The following CELSR1 variants were observed in gnomAD, a reference collection of about 807,000 sequenced individuals.
The protein encoded by CELSR1 is cadherin EGF LAG seven-pass G-type receptor 1.
A neutral mutation model predicts 249.1 loss-of-function variants in CELSR1; 110 were observed. The observed-to-expected ratio is 0.44, with a 90% CI of 0.38 to 0.52. CELSR1 has a LOEUF of 0.52. Ranked by LOEUF, CELSR1 falls within the 20% of genes least tolerant of loss-of-function variation. CELSR1 has a pLI of 0.00. For synonymous variants in CELSR1, 2,113 were observed against 1,900.0 expected (o/e 1.11, Z -2.92); for missense variants, 4,109 against 4,296.4 (o/e 0.96, Z 1.22).
At chr22:46,416,855 T>C (rs895563738) in intron 5 of CELSR1, among the ~76,000 whole-genome samples, 1 of 152,060 alleles carries the variant, frequency 6.6e-6, no homozygotes, top group Admixed American at 6.6e-5. Context: ...ACAAAAGCAT[T>C]TGGTCCTTAC....
rs1362230258 is a variant in CELSR1 at position 46,433,372 on chromosome 22, A to G, written c.4611+21T>C. On this transcript the variant is annotated intron_variant, in intron 5 of 34. Transcript: ENST00000674500. The surrounding 1 kb of genome is among the most constrained non-coding windows in gnomAD (Gnocchi z 5.7). ...CTCGAGCCGCCCTGGGGCCAGGGGG[A>G]AGTGGTGGGGCCCATCTTACCTTGT... 1 of 1,598,484 alleles carries G rather than the reference A, an allele frequency of 6.3e-7. No individual in the cohort carries two copies. Among genetic ancestry groups the G allele is most frequent in the South Asian group, 1.1e-5 (1 of 90,332 alleles).
intron 1 of CELSR1, among the ~76,000 whole-genome samples, chr22:46,494,092 G>A (rs1399195014): frequency 6.6e-6 from 1 of 152,178 alleles, no homozygotes; most frequent in Non-Finnish European, 1.5e-5. Flanking sequence ...TCAGCTCTAT[G>A]ATTTCTTTAT....
Position 46,367,802 on chromosome 22 carries a change from A to T in CELSR1, c.8006T>A (p.Leu2669Gln), listed in dbSNP as rs746756979. The T allele has an allele frequency of 1.9e-6, 3 of 1,611,916 alleles. No homozygotes were observed. The highest frequency in any genetic ancestry group is 1.7e-4 in the Middle Eastern group (1 of 5,912). Residue 2669 changes from leucine to glutamine, a missense_variant, in exon 28 of 35, where the codon CTG becomes CAG. Transcript: ENST00000674500. ...GCGGTTCACAGCCAGCAGCCCCAGC[A>T]GCCAGGTGGCGCTGATGAGCAGCAG... ...LLLLLISATW[L>Q]LGLLAVNRDA...
At position 46,510,812 on chromosome 22, in the gene CELSR1, T is replaced by A. The variant is rs938206453; in HGVS notation, c.3544+22815A>T. On this transcript the variant is annotated intron_variant, in intron 1 of 34. Coordinates refer to ENST00000674500, the MANE Select transcript of CELSR1 (RefSeq NM_001378328.1). ...GTGCTCCTGATAAAGCTTTAAAGAT[T>A]CAAAAACACAAAGTGCTGGCCGGGT... is the stretch of plus-strand genomic sequence containing the variant. 2.0e-5 allele frequency among the ~76,000 whole-genome samples: 3 copies of A among 152,200 alleles called. No individual in the cohort carries two copies. The East Asian group carries it at 5.8e-4, about 29-fold the overall frequency.
intron 5 of CELSR1, among the ~76,000 whole-genome samples, chr22:46,426,020 C>G (rs908652977): frequency 6.6e-6 from 1 of 150,778 alleles, no homozygotes; most frequent in African/African-American, 2.5e-5. Context: ...CCCTTCCTCC[C>G]TTCTTTTTTG....
In CELSR1 at chr22:46,399,531, G is replaced by A. The variant is rs547155686; in HGVS notation, c.5412+186C>T. Among the ~76,000 whole-genome samples, 13 of 152,356 alleles carry A rather than the reference G, an allele frequency of 8.5e-5. No individual in the cohort carries two copies. The highest frequency in any genetic ancestry group is 3.3e-4 in the Admixed American group (5 of 15,304). On this transcript the variant is annotated intron_variant, in intron 10 of 34. Transcript: ENST00000674500. This position sits in a 1 kb window ranked among gnomAD's most constrained non-coding sequence, Gnocchi z 5.0. The stretch of plus-strand genomic sequence containing the variant: ...GCCGGGGGCGGGGCATCCGGATGAA[G>A]GAGGTGAGGAAGATGCCAGTGACCT...
At position 46,527,467 on chromosome 22, in the gene CELSR1, G is replaced by C. The variant is rs946073393; in HGVS notation, c.3544+6160C>G. Among the ~76,000 whole-genome samples, 3 of 152,120 alleles carry C rather than the reference G, an allele frequency of 2.0e-5. No individual in the cohort carries two copies. Among genetic ancestry groups the C allele is most frequent in the African/African-American group, 7.2e-5 (3 of 41,426 alleles). On this transcript the variant is annotated intron_variant, in intron 1 of 34. Transcript: ENST00000674500. This position sits in a 1 kb window ranked among gnomAD's most constrained non-coding sequence, Gnocchi z 5.5. ...GCCCATCACACACTGCACACGTCCA[G>C]GGGGGTAGAGAAGAGTCCCAGCCCG...
rs2078893262 is a variant in CELSR1 at position 46,374,261 on chromosome 22, T to C, written c.7585-1204A>G. Among the ~76,000 whole-genome samples, 1 of 152,158 alleles carries C rather than the reference T, an allele frequency of 6.6e-6. No individual in the cohort carries two copies. Among genetic ancestry groups the C allele is most frequent in the Non-Finnish European group, 1.5e-5 (1 of 68,040 alleles). ...GAAGGGGGTGAGAAGGTTGGTTGGCTGGATGGCTGCTTCAAGTAATGCGAA... is the reference window on the plus strand; with the variant it reads ...GAAGGGGGTGAGAAGGTTGGTTGGCCGGATGGCTGCTTCAAGTAATGCGAA... On this transcript the variant is annotated intron_variant, in intron 24 of 34. Transcript: ENST00000674500. This position sits in a 1 kb window ranked among gnomAD's most constrained non-coding sequence, Gnocchi z 4.3.
In CELSR1 at chr22:46,518,541, G is replaced by C. The variant is rs891712957; in HGVS notation, c.3544+15086C>G. The stretch of plus-strand genomic sequence containing the variant: ...AAACATGAAGGCAGGCGTGGCAGTG[G>C]GTTCACTACCCTGCCCCAATGCCCA... On this transcript the variant is annotated intron_variant, in intron 1 of 34. Coordinates refer to ENST00000674500, the MANE Select transcript of CELSR1 (RefSeq NM_001378328.1). The surrounding 1 kb of genome is among the most constrained non-coding windows in gnomAD (Gnocchi z 5.2). 3.3e-5 allele frequency among the ~76,000 whole-genome samples: 5 copies of C among 152,206 alleles called. No homozygotes were observed. Among genetic ancestry groups the C allele is most frequent in the Admixed American group, 3.3e-4 (5 of 15,280 alleles).
rs1375121025 is a variant in CELSR1 at position 46,401,839 on chromosome 22, G to C, written c.5227-1937C>G. Among the ~76,000 whole-genome samples the C allele has an allele frequency of 6.6e-6, 1 of 152,106 alleles. No homozygotes were observed. Among genetic ancestry groups the C allele is most frequent in the Non-Finnish European group, 1.5e-5 (1 of 68,016 alleles). On this transcript the variant is annotated intron_variant, in intron 9 of 34. Coordinates refer to ENST00000674500, the MANE Select transcript of CELSR1 (RefSeq NM_001378328.1). The surrounding 1 kb of genome is among the most constrained non-coding windows in gnomAD (Gnocchi z 4.7). ...AGTCTGTGACTGCATTAAACTCTGTGACTTTGGGAGACCAAGGCGGGTGGA... is the reference window on the plus strand; with the variant it reads ...AGTCTGTGACTGCATTAAACTCTGTCACTTTGGGAGACCAAGGCGGGTGGA...
rs201398785 is a variant in CELSR1, at chr22:46,391,189, C to T, written c.6247G>A (p.Val2083Ile). The T allele has an allele frequency of 4.5e-5, 73 of 1,612,150 alleles. 1 individual carries two copies. The East Asian group carries it at 1.0e-3, about 23-fold the overall frequency. Residue 2083 changes from valine (V) to isoleucine (I), a missense_variant, in exon 16 of 35, where the codon GTT becomes ATT. By Grantham distance (29) the Val-to-Ile change is conservative. Coordinates refer to ENST00000674500, the MANE Select transcript of CELSR1 (RefSeq NM_001378328.1). The surrounding 1 kb of genome is among the most constrained non-coding windows in gnomAD (Gnocchi z 4.3). ...CACACAGGCCACGGCGACTCACCAA[C>T]GGATCCCTTAGGGCATGGCACCGCA... ...PAAVPCPKGS[V>I]GNAVRHCSGE...
Position 46,439,088 on chromosome 22 carries a change from C to T in CELSR1, c.4406+101G>A, listed in dbSNP as rs6007910. 105 of 1,150,264 alleles carry T rather than the reference C, an allele frequency of 9.1e-5. No individual in the cohort carries two copies. The East Asian group carries it at 1.3e-3, about 15-fold the overall frequency. 71.3% of individuals were successfully genotyped at this position (1,150,264 alleles called of 1,614,324 possible). On this transcript the variant is annotated intron_variant, in intron 3 of 34. Transcript: ENST00000674500. Reference sequence around the variant, plus strand: ...CTACTCAACTATCAAAGGCCACACACGGAGGACATCAACGTCACGATCTAG... The same window carrying T: ...CTACTCAACTATCAAAGGCCACACATGGAGGACATCAACGTCACGATCTAG...
intron 2 of CELSR1, among the ~76,000 whole-genome samples, chr22:46,463,480 C>T (rs2080056012): frequency 6.6e-6 from 1 of 150,858 alleles, no homozygotes; most frequent in East Asian, 2.0e-4. Context: ...TACGCCACTG[C>T]ACTCAAGCCT....
chr22:46,519,586 A>T (rs908390422), intron 1 of CELSR1, among the ~76,000 whole-genome samples: 8 of 152,308 alleles, frequency 5.3e-5, no homozygotes, highest in African/African-American at 1.9e-4. Flanking sequence ...CTGAATGCCC[A>T]GCTGGTCTCC....
chr22:46,513,372 A>G (rs1281872938), intron 1 of CELSR1, among the ~76,000 whole-genome samples: 1 of 152,140 alleles, frequency 6.6e-6, no homozygotes, highest in Non-Finnish European at 1.5e-5. Flanking sequence ...TGGGGTCCTG[A>G]GTTTTACAGG....
In CELSR1 at chr22:46,441,139, C is replaced by A. The variant is rs558094413; in HGVS notation, c.4184-1728G>T. On this transcript the variant is annotated intron_variant, in intron 2 of 34. Transcript: ENST00000674500. The surrounding 1 kb of genome is among the most constrained non-coding windows in gnomAD (Gnocchi z 6.1). Reference sequence around the variant, plus strand: ...CCGCACTCCAGCCTAGGTGCCAGAGCGAGACTTCATTTCAAAAAAAAAAAA... The same window carrying A: ...CCGCACTCCAGCCTAGGTGCCAGAGAGAGACTTCATTTCAAAAAAAAAAAA... Among the ~76,000 whole-genome samples the A allele has an allele frequency of 7.0e-6, 1 of 142,794 alleles. No individual in the cohort carries two copies. Among genetic ancestry groups the A allele is most frequent in the Admixed American group, 7.3e-5 (1 of 13,618 alleles). The allele number at this position is 142,794 out of a possible 152,430, so 93.7% of individuals were successfully genotyped here.
rs764039871 is a variant in CELSR1, at chr22:46,409,776, C to T, written c.5038G>A (p.Gly1680Ser). The T allele has an allele frequency of 1.2e-6, 2 of 1,613,778 alleles. No homozygotes were observed. The highest frequency in any genetic ancestry group is 2.2e-5 in the East Asian group (1 of 44,878). ...TCACCTTGCTCACAGTTCTTCCCGCCGAATCGGAGTGGACACTCACACAGA... is the reference window on the plus strand; with the variant it reads ...TCACCTTGCTCACAGTTCTTCCCGCTGAATCGGAGTGGACACTCACACAGA... ...MYLCECPLRFGGKNCEQAMPH... is the reference protein window; with the variant it reads ...MYLCECPLRFSGKNCEQAMPH... Residue 1680 changes from glycine to serine, a missense_variant, in exon 8 of 35, where the codon GGC becomes AGC. Gly to Ser is a moderately conservative substitution (Grantham distance 56). Transcript: ENST00000674500. The surrounding 1 kb of genome is among the most constrained non-coding windows in gnomAD (Gnocchi z 9.8).
In CELSR1 at chr22:46,433,405, C is replaced by T. The variant is rs1188333910; in HGVS notation, c.4599G>A (p.Gln1533=). 6.2e-7 allele frequency: 1 copy of T among 1,613,622 alleles called. No individual in the cohort carries two copies. The highest frequency in any genetic ancestry group is 1.7e-5 in the Admixed American group (1 of 60,000). ...GGGCCCATCTTACCTTGTTGTAGTA[C>T]TGCACCTGCACAGAGTGCCACCGCC... ...SDGRWHSVQV[Q]YYNKPNIGHL... is the part of the protein sequence containing the mutation. Residue 1533 remains glutamine, a synonymous_variant, in exon 5 of 35, where the codon CAG becomes CAA. Coordinates refer to ENST00000674500, the MANE Select transcript of CELSR1 (RefSeq NM_001378328.1). The surrounding 1 kb of genome is among the most constrained non-coding windows in gnomAD (Gnocchi z 5.7).
At chr22:46,439,116 G>A in intron 3 of CELSR1, 73 bp downstream of exon 3, 1 of 1,380,766 alleles carries the variant, frequency 7.2e-7, no homozygotes. Context: ...CGATCTAGAG[G>A]GATGGGGTGC....
Sources: gnomAD v4.1 joint callset for allele counts (sites outside exome capture counted in the v4.1 genomes callset) on GRCh38, gnomAD v4.1.1 for gene constraint, Gnocchi (gnomAD v3.1) non-coding constraint, MANE v1.5 for transcripts, NCBI Gene and HGNC (gene_info 2026-07-23, HGNC 2026-07-21) for gene names.